SPC25: variants seen among roughly 807,000 people sequenced by gnomAD.
SPC25 encodes kinetochore protein Spc25.
Under a neutral mutation model 29.6 loss-of-function variants are expected in SPC25, and 22 were observed. That is an observed-to-expected ratio of 0.74 (90% CI 0.53 to 1.06). SPC25 has a LOEUF of 1.06. Ranked by LOEUF, SPC25 falls within the 50% of genes least tolerant of loss-of-function variation. The pLI, the probability that SPC25 is intolerant of heterozygous loss-of-function variation, is 0.00. For synonymous variants in SPC25, 91 were observed against 90.4 expected, an observed-to-expected ratio of 1.01 and a Z score of -0.04; for missense variants, 230 against 255.8, an observed-to-expected ratio of 0.90 and a Z score of 0.69.
At chr2:168,868,053 C>G (rs2105817808), downstream of SPC25, among the ~76,000 whole-genome samples, 2 of 152,236 alleles carry the variant, frequency 1.3e-5, no homozygotes, top group South Asian at 4.1e-4. Flanking sequence ...AAGAAACTCA[C>G]TCAAAACCAC....
chr2:168,863,823 C>A (rs1297535418), intron 4 of SPC25, among the ~76,000 whole-genome samples: 1 of 152,100 alleles, frequency 6.6e-6, no homozygotes, highest in East Asian at 1.9e-4. Flanking sequence ...AGTACGGACA[C>A]CAAGAAAGAG....
chr2:168,864,937 T>G (rs10181), intron 4 of SPC25: 2 of 1,614,134 alleles, frequency 1.2e-6, no homozygotes, highest in African/African-American at 2.7e-5. Flanking sequence ...AGGAGTTACC[T>G]TCAAATGCTG....
chr2:168,862,138 G>GAGTT lies in SPC25; in HGVS notation n.419+11443_419+11446dup. The GAGTT allele has an allele frequency of 2.6e-6, 3 of 1,144,410 alleles. No individual in the cohort carries two copies. The South Asian group carries it at 3.9e-5, about 15-fold the overall frequency. The allele number at this position is 1,144,410 out of a possible 1,614,324, so 70.9% of individuals were successfully genotyped here. ...CCCTGTCTTAGTGTGGCAGCCTTAA[G>GAGTT]AGTTACTACCATGTCAAATCAGTTC... On this transcript the variant is annotated intron_variant and non_coding_transcript_variant, in intron 4 of 4. Coordinates refer to the SPC25 transcript ENST00000479309.
chr2:168,889,190 T>TA (rs748205350), intron 3 of SPC25, 36 bp downstream of exon 3: 154 of 1,571,466 alleles, frequency 9.8e-5, no homozygotes, highest in African/African-American at 3.1e-4. Context: ...ATGTTTTATC[T>TA]AAAAAAAACC....
intron 3 of SPC25, among the ~76,000 whole-genome samples, chr2:168,885,865 C>T (rs1690252223): frequency 6.6e-6 from 1 of 152,072 alleles, no homozygotes; most frequent in Admixed American, 6.5e-5. Context: ...GTATCTATAC[C>T]TCTTAGGGTT....
chr2:168,879,864 C>T (rs757029704), intron 3 of SPC25, among the ~76,000 whole-genome samples: 1 of 152,170 alleles, frequency 6.6e-6, no homozygotes, highest in Non-Finnish European at 1.5e-5. Context: ...ACACTAATCT[C>T]CATCAGCGCT....
intron 3 of SPC25, among the ~76,000 whole-genome samples, chr2:168,888,924 CGTGTGT>C (rs375198489): frequency 0.099 from 8,612 of 87,408 alleles, 535 homozygotes; most frequent in Non-Finnish European, 0.13. Context: ...ACTACATGTA[CGTGTGT>C]GTGTGTGTGT....
At chr2:168,889,145 A>G in intron 3 of SPC25, 81 bp downstream of exon 3, 1 of 1,227,616 alleles carries the variant, frequency 8.1e-7, no homozygotes, top group South Asian at 1.4e-5. Flanking sequence ...CACAAAATAC[A>G]TTGTCTTACT....
chr2:168,875,107 G>A (rs1192076538), intron 5 of SPC25, among the ~76,000 whole-genome samples: 25 of 152,116 alleles, frequency 1.6e-4, no homozygotes, highest in Non-Finnish European at 3.7e-4. Flanking sequence ...ACAATTCTAT[G>A]AAAAACCATG....
chr2:168,869,531 G>A (rs1043393134), downstream of SPC25, among the ~76,000 whole-genome samples: 8 of 152,216 alleles, frequency 5.3e-5, no homozygotes, highest in South Asian at 4.1e-4. Flanking sequence ...AAATCAATGT[G>A]CAAAAATCAC....
rs979654841 is a variant in SPC25 at position 168,890,413 on chromosome 2, C to A, written c.-110G>T. On this transcript the variant is annotated 5_prime_UTR_variant, in exon 1 of 7. Transcript: ENST00000282074. Reference sequence around the variant, plus strand: ...ACTCTAGGCTCAGCTCCCGCAGCCCCGCCAACTTTCCGATTTCAAACCTAG... The same window carrying A: ...ACTCTAGGCTCAGCTCCCGCAGCCCAGCCAACTTTCCGATTTCAAACCTAG... 4 of 985,422 alleles carry A rather than the reference C, an allele frequency of 4.1e-6. No individual in the cohort carries two copies. The highest frequency in any genetic ancestry group is 1.7e-5 in the African/African-American group (1 of 57,236). 61.0% of individuals were successfully genotyped at this position (985,422 alleles called of 1,614,324 possible).
chr2:168,890,273 C>T, intron 1 of SPC25, 45 bp downstream of exon 1: 1 of 934,964 alleles, frequency 1.1e-6, no homozygotes, highest in Non-Finnish European at 1.3e-6. Context: ...TCCCTTATTG[C>T]GACAGGGGGG....
intron 3 of SPC25, among the ~76,000 whole-genome samples, chr2:168,881,096 AAAGTGCAATAAAGTG>A (rs1191683104): frequency 2.6e-5 from 4 of 152,218 alleles, no homozygotes; most frequent in Admixed American, 6.5e-5. Context: ...CAATATCTGT[AAAGTGCAATAAAGTG>A]AAGTGCAATA....
rs796932662 is a variant in SPC25 at position 168,888,957 on chromosome 2, G to GTA, written c.199+267_199+268dup. Among the ~76,000 whole-genome samples the GTA allele has an allele frequency of 3.7e-3, 337 of 91,662 alleles. 13 individuals carry two copies. The highest frequency in any genetic ancestry group is 0.01 in the Middle Eastern group (2 of 200). The allele number at this position is 91,662 out of a possible 152,430, so 60.1% of individuals were successfully genotyped here. ...TGTGTGTGTGTGTGTGTGTGTGTGTGTATATATATATATATACACACACAC... is the reference window on the plus strand; with the variant it reads ...TGTGTGTGTGTGTGTGTGTGTGTGTGTATATATATATATATATACACACACAC... On this transcript the variant is annotated intron_variant, in intron 3 of 6. Transcript: ENST00000282074.
At chr2:168,882,534 G>T (rs1559156235) in intron 3 of SPC25, among the ~76,000 whole-genome samples, 1 of 152,174 alleles carries the variant, frequency 6.6e-6, no homozygotes, top group Non-Finnish European at 1.5e-5. Flanking sequence ...CCAGGGAGTC[G>T]GAGGTTGCAG....
chr2:168,885,719 T>C (rs919780506), intron 3 of SPC25, among the ~76,000 whole-genome samples: 2 of 152,206 alleles, frequency 1.3e-5, no homozygotes, highest in Non-Finnish European at 2.9e-5. Flanking sequence ...TCCCTAACCC[T>C]CCTTTATGTG....
chr2:168,882,001 C>G (rs907422747), intron 3 of SPC25, among the ~76,000 whole-genome samples: 2 of 152,034 alleles, frequency 1.3e-5, no homozygotes, highest in Admixed American at 6.5e-5. Flanking sequence ...TCAGAATCAA[C>G]CTAGATCAAG....
chr2:168,861,828 T>C, intron 4 of SPC25: 1 of 754,098 alleles, frequency 1.3e-6, no homozygotes, highest in Non-Finnish European at 2.2e-6. Context: ...TATATAAAAT[T>C]ACAAACTTTC....
chr2:168,868,006 C>T (rs1455068610), downstream of SPC25, among the ~76,000 whole-genome samples: 1 of 152,232 alleles, frequency 6.6e-6, no homozygotes, highest in Non-Finnish European at 1.5e-5. Context: ...CAAACTGTCT[C>T]TCAGACCACA....
Sources: gnomAD v4.1 joint callset for allele counts (sites outside exome capture counted in the v4.1 genomes callset) on GRCh38, gnomAD v4.1.1 for gene constraint, MANE v1.5 for transcripts, NCBI Gene and HGNC (gene_info 2026-07-23, HGNC 2026-07-21) for gene names.